The following CSTPP1 variants were observed in gnomAD, a reference collection of about 807,000 sequenced individuals.
The protein encoded by CSTPP1 is UPF0705 protein C11orf49.
At chr11:47,069,960 G>A in the CSTPP1 span, among the ~76,000 whole-genome samples, 6 of 152,252 alleles carry the variant, frequency 3.9e-5, no homozygotes, top group South Asian at 2.1e-4. Context: ...TGATCCACCC[G>A]CCTTGGCCTC....
chr11:46,991,134 G>T, the CSTPP1 span, among the ~76,000 whole-genome samples: 3 of 151,394 alleles, frequency 2.0e-5, no homozygotes, highest in African/African-American at 4.8e-5. Context: ...GAAAGGAAGA[G>T]TAATCCTTAT....
chr11:47,069,588 G>A, the CSTPP1 span, among the ~76,000 whole-genome samples: 1 of 152,196 alleles, frequency 6.6e-6, no homozygotes, highest in African/African-American at 2.4e-5. Flanking sequence ...TCTTATTAGA[G>A]AGGGACGTAT....
At chr11:47,065,977 T>TTTGTGTGTGTG in the CSTPP1 span, among the ~76,000 whole-genome samples, 19 of 146,096 alleles carry the variant, frequency 1.3e-4, no homozygotes, top group South Asian at 8.9e-4. Context: ...GGTCTAACAG[T>TTTGTGTGTGTG]TGTGTGTGTG....
the CSTPP1 span, among the ~76,000 whole-genome samples, chr11:47,005,592 T>C: frequency 6.6e-6 from 1 of 152,178 alleles, no homozygotes; most frequent in Non-Finnish European, 1.5e-5. Flanking sequence ...AGGTAGAGTT[T>C]GGATAAACAA....
chr11:47,105,805 C>T, the CSTPP1 span, among the ~76,000 whole-genome samples: 1 of 152,198 alleles, frequency 6.6e-6, no homozygotes, highest in Non-Finnish European at 1.5e-5. Flanking sequence ...ACATAAAATG[C>T]AAGCTTTTGT....
chr11:47,135,829 G>T, the CSTPP1 span, among the ~76,000 whole-genome samples: 1 of 152,156 alleles, frequency 6.6e-6, no homozygotes, highest in Non-Finnish European at 1.5e-5. Flanking sequence ...GAAGCACGCA[G>T]TGATTTTTGT....
At chr11:46,942,379 G>GT in the CSTPP1 span, among the ~76,000 whole-genome samples, 1 of 152,160 alleles carries the variant, frequency 6.6e-6, no homozygotes, top group Non-Finnish European at 1.5e-5. Context: ...AGGGCAGCCT[G>GT]TTCTGGTCCC....
At chr11:46,964,837 C>T in the CSTPP1 span, among the ~76,000 whole-genome samples, 1 of 152,054 alleles carries the variant, frequency 6.6e-6, no homozygotes, top group Non-Finnish European at 1.5e-5. Context: ...AGGCTTTAAT[C>T]GGGTGCTGAA....
At chr11:46,972,381 G>A in the CSTPP1 span, among the ~76,000 whole-genome samples, 1 of 152,126 alleles carries the variant, frequency 6.6e-6, no homozygotes, top group Non-Finnish European at 1.5e-5. Flanking sequence ...CTTATATAAT[G>A]AGACCCCCTT....
chr11:47,103,582 T>C, the CSTPP1 span: 1 of 151,686 alleles, frequency 6.6e-6, no homozygotes, highest in Non-Finnish European at 1.5e-5. Context: ...TCAGAATGGA[T>C]GGAATGATCC....
chr11:47,092,172 A>G, the CSTPP1 span, among the ~76,000 whole-genome samples: 3 of 152,254 alleles, frequency 2.0e-5, no homozygotes, highest in East Asian at 3.8e-4. Flanking sequence ...TGTTTCAGAT[A>G]AAGTCTAAAA....
At chr11:46,951,035 C>T in the CSTPP1 span, among the ~76,000 whole-genome samples, 2 of 152,154 alleles carry the variant, frequency 1.3e-5, no homozygotes, top group East Asian at 1.9e-4. Flanking sequence ...AGCAGGTAGA[C>T]ACCAGCTGAT....
At chr11:47,157,679 GATCCCCCAGGGCCTTGGGGCT>G in the CSTPP1 span, 1 of 753,722 alleles carries the variant, frequency 1.3e-6, no homozygotes, top group Non-Finnish European at 2.2e-6. Context: ...GTGAAGGCCT[GATCCCCCAGGGCCTTGGGGCT>G]CCCAAGGCAG....
chr11:47,005,429 C>T, the CSTPP1 span, among the ~76,000 whole-genome samples: 2 of 152,138 alleles, frequency 1.3e-5, no homozygotes, highest in African/African-American at 4.8e-5. Flanking sequence ...CATTGAATAA[C>T]GAACAATTAC....
chr11:47,137,442 C>T, the CSTPP1 span: 16 of 1,509,786 alleles, frequency 1.1e-5, no homozygotes, highest in Non-Finnish European at 1.3e-5. Flanking sequence ...AACTGGATGC[C>T]TCCCACCCTG....
chr11:46,942,485 C>T, the CSTPP1 span, among the ~76,000 whole-genome samples: 22 of 152,174 alleles, frequency 1.4e-4, no homozygotes, highest in Admixed American at 3.3e-4. Flanking sequence ...GAGGTGCATG[C>T]TTTCACTCAC....
chr11:47,124,738 G>A, the CSTPP1 span, among the ~76,000 whole-genome samples: 36 of 152,158 alleles, frequency 2.4e-4, no homozygotes, highest in African/African-American at 8.2e-4. Flanking sequence ...TTGTCTTTCA[G>A]AATTCTTGTG....
chr11:46,980,208 T>C, the CSTPP1 span, among the ~76,000 whole-genome samples: 1 of 152,178 alleles, frequency 6.6e-6, no homozygotes, highest in Non-Finnish European at 1.5e-5. Flanking sequence ...AATACCCCTT[T>C]TGGTTGAGGG....
the CSTPP1 span, among the ~76,000 whole-genome samples, chr11:46,980,150 T>G: frequency 6.6e-6 from 1 of 152,174 alleles, no homozygotes; most frequent in Admixed American, 6.5e-5. Context: ...GACCAGAGAC[T>G]GTTTTGAGTG....
Sources: gnomAD v4.1 joint callset for allele counts (sites outside exome capture counted in the v4.1 genomes callset) on GRCh38, gnomAD v4.1.1 for gene constraint, MANE v1.5 for transcripts, NCBI Gene and HGNC (gene_info 2026-07-23, HGNC 2026-07-21) for gene names.